The following PDE4D variants were observed in gnomAD, a reference collection of about 807,000 sequenced individuals.
PDE4D encodes 3',5'-cyclic-AMP phosphodiesterase 4D.
Under a neutral mutation model 87.4 loss-of-function variants are expected in PDE4D, and 24 were observed. The observed-to-expected ratio is 0.27, with a 90% CI of 0.20 to 0.39. The LOEUF is 0.39. PDE4D is among the 10% of genes least tolerant of loss of function. PDE4D has a pLI of 1.00. For synonymous variants in PDE4D, 384 were observed against 383.2 expected, an observed-to-expected ratio of 1.00 and a Z score of -0.02; for missense variants, 714 against 1,041.0, an observed-to-expected ratio of 0.69 and a Z score of 4.32.
chr5:59,659,642 T>G (rs778482148), intron 1 of PDE4D, among the ~76,000 whole-genome samples: 2 of 152,254 alleles, frequency 1.3e-5, no homozygotes, highest in Non-Finnish European at 2.9e-5. Context: ...CTCCTTTCTC[T>G]GACAGTGTCC....
intron 1 of PDE4D, among the ~76,000 whole-genome samples, chr5:60,229,256 C>T (rs186275028): frequency 6.6e-6 from 1 of 152,188 alleles, no homozygotes. Flanking sequence ...AACTTTGGTC[C>T]TCTTTTAAGA....
chr5:60,339,365 G>T (rs1758107051), intron 1 of PDE4D, among the ~76,000 whole-genome samples: 1 of 152,062 alleles, frequency 6.6e-6, no homozygotes, highest in South Asian at 2.1e-4. Flanking sequence ...CGGCTACTAA[G>T]GGACCTCCAG....
intron 5 of PDE4D, among the ~76,000 whole-genome samples, chr5:59,088,839 T>C (rs890577797): frequency 6.6e-6 from 1 of 152,132 alleles, no homozygotes; most frequent in Non-Finnish European, 1.5e-5. Flanking sequence ...TAATGGGTAT[T>C]AGGTGTAATA....
intron 6 of PDE4D, among the ~76,000 whole-genome samples, chr5:59,033,536 A>G (rs1757964011): frequency 6.6e-6 from 1 of 152,230 alleles, no homozygotes; most frequent in South Asian, 2.1e-4. Context: ...GAATCCACTG[A>G]AAATAATGAC....
chr5:60,464,906 A>G (rs1268251575), intron 1 of PDE4D, among the ~76,000 whole-genome samples: 1 of 152,150 alleles, frequency 6.6e-6, no homozygotes, highest in African/African-American at 2.4e-5. Context: ...TTTCAATACC[A>G]GCCTAGACAA....
intron 1 of PDE4D, among the ~76,000 whole-genome samples, chr5:59,668,072 A>T (rs1746371244): frequency 6.6e-6 from 1 of 152,196 alleles, no homozygotes; most frequent in Admixed American, 6.5e-5. Context: ...ACTGCATATA[A>T]TGACTATAGC....
intron 2 of PDE4D, among the ~76,000 whole-genome samples, chr5:60,074,441 C>G (rs1023936217): frequency 6.6e-6 from 1 of 152,090 alleles, no homozygotes; most frequent in Non-Finnish European, 1.5e-5. Context: ...GTGATCAACT[C>G]TAGAGTGTGT....
chr5:60,430,555 T>TC (rs1283061749), intron 1 of PDE4D, among the ~76,000 whole-genome samples: 4 of 151,328 alleles, frequency 2.6e-5, no homozygotes, highest in East Asian at 3.9e-4. Flanking sequence ...GTTTGTTTTT[T>TC]TTTTTTATTG....
In PDE4D at chr5:59,942,736, A is replaced by T. The variant is rs1157024841; in HGVS notation, c.272+45752T>A. 3.3e-5 allele frequency among the ~76,000 whole-genome samples: 5 copies of T among 152,040 alleles called. No homozygotes were observed. In the East Asian group the frequency reaches 9.6e-4, roughly 29 times the overall value. On this transcript the variant is annotated intron_variant, in intron 3 of 16. Coordinates refer to the PDE4D transcript ENST00000502484. ...GGAACAAGAGACAGACTAGAATAGG[A>T]TCGGCTGTGATAGGGAAGTGAGGAA...
intron 3 of PDE4D, among the ~76,000 whole-genome samples, chr5:59,186,438 T>C (rs1742939736): frequency 1.3e-5 from 2 of 152,198 alleles, no homozygotes; most frequent in South Asian, 4.1e-4. Context: ...TTTGACTTAA[T>C]GACTTGGCAT....
At chr5:59,632,897 A>C (rs1437143873) in intron 1 of PDE4D, among the ~76,000 whole-genome samples, 1 of 152,210 alleles carries the variant, frequency 6.6e-6, no homozygotes, top group Non-Finnish European at 1.5e-5. Context: ...AGATCAATTC[A>C]CAGAAATAGG....
chr5:59,035,896 T>C (rs1278201386), intron 6 of PDE4D, among the ~76,000 whole-genome samples: 1 of 152,210 alleles, frequency 6.6e-6, no homozygotes, highest in East Asian at 1.9e-4. Context: ...TCAAATTAAA[T>C]GCCATCTGGA....
intron 5 of PDE4D, among the ~76,000 whole-genome samples, chr5:59,043,815 T>C (rs1339040627): frequency 2.0e-5 from 3 of 152,142 alleles, no homozygotes; most frequent in Non-Finnish European, 4.4e-5. Context: ...ATTTGGTTTT[T>C]TGTCCTTGTG....
rs563573486 is a variant in PDE4D at position 59,800,452 on chromosome 5, CT to C, written c.455+92715del. On this transcript the variant is annotated intron_variant, in intron 1 of 14. Coordinates refer to ENST00000340635, the MANE Select transcript of PDE4D (RefSeq NM_001104631.2). ...CTGCTATTCTCAATTACCCTTAAAA[CT>C]TAGATGGGCTTGCAGGGAGTCTCAA... Among the ~76,000 whole-genome samples, 4 of 152,134 alleles carry C rather than the reference CT, an allele frequency of 2.6e-5. No individual in the cohort carries two copies. The South Asian group carries it at 8.3e-4, about 32-fold the overall frequency.
intron 1 of PDE4D, among the ~76,000 whole-genome samples, chr5:60,196,399 ACTTTG>A (rs1348806176): frequency 6.6e-6 from 1 of 151,792 alleles, no homozygotes; most frequent in Non-Finnish European, 1.5e-5. Context: ...GCTTGATAAT[ACTTTG>A]CTTTGGTGTT....
chr5:60,017,123 G>A (rs1393977821), intron 2 of PDE4D, among the ~76,000 whole-genome samples: 1 of 152,190 alleles, frequency 6.6e-6, no homozygotes, highest in Non-Finnish European at 1.5e-5. Context: ...GTGATCAGGT[G>A]CGTTGTCAAT....
rs3061706 is a variant in PDE4D at position 59,406,391 on chromosome 5, TCC to T, written c.456-190425_456-190424del. On this transcript the variant is annotated intron_variant, in intron 1 of 14. Coordinates refer to ENST00000340635, the MANE Select transcript of PDE4D (RefSeq NM_001104631.2). ...CGTCTCCCTTATCTTTCCTTATCTT[TCC>T]TTCCCCCCCCCCCCCCCCATAGAGT... Among the ~76,000 whole-genome samples, 688 of 98,356 alleles carry T rather than the reference TCC, an allele frequency of 7.0e-3. 40 individuals are homozygous for T. Among genetic ancestry groups the T allele is most frequent in the Admixed American group, 0.055 (478 of 8,746 alleles). 64.5% of individuals were successfully genotyped at this position (98,356 alleles called of 152,430 possible).
chr5:59,864,858 A>G (rs116093921), intron 1 of PDE4D, among the ~76,000 whole-genome samples: 12 of 152,246 alleles, frequency 7.9e-5, no homozygotes, highest in African/African-American at 2.9e-4. Context: ...AGGCTGATAC[A>G]TGATGTCACT....
chr5:59,441,159 A>T (rs1347093652), intron 1 of PDE4D, among the ~76,000 whole-genome samples: 3 of 151,238 alleles, frequency 2.0e-5, no homozygotes, highest in African/African-American at 4.9e-5. Context: ...CAGTAGTGTG[A>T]TCTCGGCTCA....
Sources: allele counts gnomAD v4.1 joint callset (sites outside exome capture counted in the v4.1 genomes callset), GRCh38; gene constraint gnomAD v4.1.1; transcripts MANE v1.5; gene names NCBI Gene and HGNC (gene_info 2026-07-23, HGNC 2026-07-21).